PLCL2: variants seen among roughly 807,000 people sequenced by gnomAD.
PLCL2 encodes inactive phospholipase C-like protein 2.
Under a neutral mutation model 79.6 loss-of-function variants are expected in PLCL2, and 4 were observed. The observed-to-expected ratio is 0.05, with a 90% CI of 0.02 to 0.11. The LOEUF is 0.11. Ranked by LOEUF, PLCL2 falls within the 10% of genes least tolerant of loss-of-function variation. The pLI, the probability that PLCL2 is intolerant of heterozygous loss-of-function variation, is 1.00. For synonymous variants in PLCL2, 484 were observed against 457.7 expected (o/e 1.06, Z -0.73); for missense variants, 895 against 1,291.0 (o/e 0.69, Z 4.70).
intron 1 of PLCL2, among the ~76,000 whole-genome samples, chr3:16,897,031 T>C (rs756107241): frequency 2.0e-5 from 3 of 152,082 alleles, no homozygotes; most frequent in Non-Finnish European, 2.9e-5. Context: ...CTGTTAGATA[T>C]GAGAGAACAA....
chr3:16,993,097 T>C (rs1467863772), intron 1 of PLCL2, among the ~76,000 whole-genome samples: 1 of 152,196 alleles, frequency 6.6e-6, no homozygotes, highest in African/African-American at 2.4e-5. Context: ...AGAATACCCC[T>C]GTAGCTGAGA....
chr3:16,982,058 T>C (rs2064004267), intron 1 of PLCL2, among the ~76,000 whole-genome samples: 1 of 152,218 alleles, frequency 6.6e-6, no homozygotes, highest in Non-Finnish European at 1.5e-5. Context: ...GTTTGATTTC[T>C]ATGGAAGTGG....
chr3:16,929,427 C>T (rs1392077594), intron 1 of PLCL2, among the ~76,000 whole-genome samples: 2 of 152,166 alleles, frequency 1.3e-5, no homozygotes, highest in Non-Finnish European at 2.9e-5. Flanking sequence ...ATCAGAGCTT[C>T]CTGGTGAAGT....
intron 3 of PLCL2, among the ~76,000 whole-genome samples, chr3:17,033,862 T>C (rs1225793988): frequency 6.6e-6 from 1 of 152,200 alleles, no homozygotes; most frequent in Non-Finnish European, 1.5e-5. Flanking sequence ...GATATTGTTT[T>C]TATTTGATGT....
chr3:17,060,656 A>T (rs1352787866), intron 4 of PLCL2, among the ~76,000 whole-genome samples: 3 of 152,200 alleles, frequency 2.0e-5, no homozygotes, highest in African/African-American at 2.4e-5. Context: ...ATTATCAGCT[A>T]TCCATATTTT....
At chr3:17,043,339 A>G (rs540469164) in intron 4 of PLCL2, among the ~76,000 whole-genome samples, 2 of 152,320 alleles carry the variant, frequency 1.3e-5, no homozygotes, top group South Asian at 2.1e-4. Flanking sequence ...TAGAGGGAGA[A>G]TGGCTTCTTG....
rs911443420 is a variant in PLCL2 at position 16,915,236 on chromosome 3, G to A, written c.327+29870G>A. Among the ~76,000 whole-genome samples the A allele has an allele frequency of 4.6e-5, 7 of 152,162 alleles. No homozygotes were observed. The East Asian group carries it at 7.7e-4, about 17-fold the overall frequency. ...TTCTCGCTATGAGGTTCATGCTTTT[G>A]ATAAAGGTCTAGAAGTTGCTTCAGA... On this transcript the variant is annotated intron_variant, in intron 1 of 5. Transcript: ENST00000615277.
At chr3:16,936,114 TAAAGC>T (rs1697532656) in intron 1 of PLCL2, among the ~76,000 whole-genome samples, 2 of 152,208 alleles carry the variant, frequency 1.3e-5, no homozygotes, top group African/African-American at 2.4e-5. Flanking sequence ...ACCACAGTAT[TAAAGC>T]AAAGCCTCAA....
chr3:17,010,093 A>G lies in PLCL2; in HGVS notation c.747A>G (p.Leu249=). The G allele has an allele frequency of 6.2e-7, 1 of 1,614,064 alleles. No homozygotes were observed. Among genetic ancestry groups the G allele is most frequent in the Non-Finnish European group, 8.5e-7 (1 of 1,179,912 alleles). Residue 249 remains leucine (L), a synonymous_variant, in exon 2 of 6, where the codon CTA becomes CTG. Coordinates refer to ENST00000615277, the MANE Select transcript of PLCL2 (RefSeq NM_001144382.2). This position sits in a 1 kb window ranked among gnomAD's most constrained non-coding sequence, Gnocchi z 5.8. ...ANIWVTGLRY[L]ISYGKHTLDM... is the part of the protein sequence containing the mutation. ...TCTGGGTTACAGGACTGCGGTACCT[A>G]ATTTCTTATGGAAAACATACACTTG...
At chr3:17,018,834 G>A (rs772440516) in intron 3 of PLCL2, among the ~76,000 whole-genome samples, 4 of 152,234 alleles carry the variant, frequency 2.6e-5, no homozygotes, top group South Asian at 2.1e-4. Flanking sequence ...CTCTTAGCAC[G>A]TGCACTGCTC....
chr3:16,994,270 T>C (rs1246047413), intron 1 of PLCL2, among the ~76,000 whole-genome samples: 1 of 152,206 alleles, frequency 6.6e-6, no homozygotes, highest in Non-Finnish European at 1.5e-5. Flanking sequence ...CATTACTCTA[T>C]TTTGCAAATG....
chr3:17,032,629 C>T (rs368490947), intron 3 of PLCL2, among the ~76,000 whole-genome samples: 11 of 148,540 alleles, frequency 7.4e-5, no homozygotes, highest in South Asian at 2.2e-4. Flanking sequence ...TGGGAAGTGC[C>T]TCTCAGAAAT....
At chr3:17,016,617 A>G (rs1409188077) in intron 3 of PLCL2, among the ~76,000 whole-genome samples, 1 of 152,216 alleles carries the variant, frequency 6.6e-6, no homozygotes, top group Non-Finnish European at 1.5e-5. Flanking sequence ...GGGGACCAAC[A>G]TCAACACAGG....
chr3:16,964,652 C>T (rs2063787501), intron 1 of PLCL2, among the ~76,000 whole-genome samples: 1 of 151,952 alleles, frequency 6.6e-6, no homozygotes, highest in Non-Finnish European at 1.5e-5. Flanking sequence ...TAAAAGTGTT[C>T]CTATTTCTCC....
chr3:17,075,615 C>T lies in PLCL2; in HGVS notation c.3204+7550C>T, dbSNP rs79532008. Among the ~76,000 whole-genome samples, 1,516 of 151,130 alleles carry T rather than the reference C, an allele frequency of 0.01. 98 individuals carry two copies. The East Asian group carries it at 0.18, about 18-fold the overall frequency. On this transcript the variant is annotated intron_variant, in intron 5 of 5. Transcript: ENST00000615277. Reference sequence around the variant, plus strand: ...ATAAAGTATGTCTGGAGTCATGCAACCCCCAGCACAATGATGGTAGGGCAT... The same window carrying T: ...ATAAAGTATGTCTGGAGTCATGCAATCCCCAGCACAATGATGGTAGGGCAT...
intron 1 of PLCL2, among the ~76,000 whole-genome samples, chr3:16,952,359 G>GAA (rs2063662047): frequency 3.8e-4 from 1 of 2,624 alleles, no homozygotes; most frequent in Non-Finnish European, 7.4e-4. Flanking sequence ...AGAACTTAAA[G>GAA]CAAAAAAAAA....
In PLCL2 at chr3:17,090,418, T is replaced by G; in HGVS notation, c.*506T>G. On this transcript the variant is annotated 3_prime_UTR_variant, in exon 6 of 6. Transcript: ENST00000615277. Reference sequence around the variant, plus strand: ...GGACGGGTTCCCTGAATCCCCGGGGTCCTTGGAGAGCCATCGAGGAGAATG... The same window carrying G: ...GGACGGGTTCCCTGAATCCCCGGGGGCCTTGGAGAGCCATCGAGGAGAATG... 4.5e-6 allele frequency: 1 copy of G among 224,246 alleles called. No individual in the cohort carries two copies. Among genetic ancestry groups the G allele is most frequent in the Non-Finnish European group, 7.5e-6 (1 of 133,766 alleles). The allele number at this position is 224,246 out of a possible 1,614,324, so 13.9% of individuals were successfully genotyped here. A position where few individuals can be genotyped will look rare whatever the true frequency, so the allele number is the denominator to read the frequency against.
At chr3:16,895,501 C>T (rs1020732478) in intron 1 of PLCL2, among the ~76,000 whole-genome samples, 5 of 152,114 alleles carry the variant, frequency 3.3e-5, no homozygotes, top group South Asian at 2.1e-4. Flanking sequence ...CATTGGTCTT[C>T]GATCCTAGAT....
rs1697207265 is a variant in PLCL2 at position 16,924,844 on chromosome 3, G to C, written c.327+39478G>C. Among the ~76,000 whole-genome samples, 4 of 152,096 alleles carry C rather than the reference G, an allele frequency of 2.6e-5. No individual in the cohort carries two copies. The South Asian group carries it at 8.3e-4, about 32-fold the overall frequency. On this transcript the variant is annotated intron_variant, in intron 1 of 5. Coordinates refer to ENST00000615277, the MANE Select transcript of PLCL2 (RefSeq NM_001144382.2). ...AAGCAATGATTTTTACTAGGTATTA[G>C]AGTATACCTCTAGGTCAGGATTTTA...
Sources: gnomAD v4.1 joint callset for allele counts (sites outside exome capture counted in the v4.1 genomes callset) on GRCh38, gnomAD v4.1.1 for gene constraint, Gnocchi (gnomAD v3.1) non-coding constraint, MANE v1.5 for transcripts, NCBI Gene and HGNC (gene_info 2026-07-23, HGNC 2026-07-21) for gene names.